The following HAUS6 variants were observed in gnomAD, a reference collection of about 807,000 sequenced individuals.
HAUS6 encodes the protein HAUS augmin like complex subunit 6.
In HAUS6, 80 loss-of-function variants were observed where a neutral mutation model predicts 106.8. That is an observed-to-expected ratio of 0.75 (90% CI 0.63 to 0.90). The LOEUF is 0.90. Among genes scored for constraint, HAUS6 ranks in the 40% least tolerant of loss-of-function variants. The pLI is 0.00. For missense variants in HAUS6, 1,155 were observed against 1,118.1 expected (o/e 1.03, Z -0.47); for synonymous variants, 356 against 379.1 (o/e 0.94, Z 0.71).
chr9:19,088,974 G>A (rs1817689167), intron 5 of HAUS6, among the ~76,000 whole-genome samples: 1 of 152,164 alleles, frequency 6.6e-6, no homozygotes. Context: ...CAGCCACAGT[G>A]GCTCATGTCT....
chr9:19,101,966 A>C (rs969425938), intron 1 of HAUS6, among the ~76,000 whole-genome samples: 1 of 152,164 alleles, frequency 6.6e-6, no homozygotes, highest in Non-Finnish European at 1.5e-5. Flanking sequence ...TTAAATAGAG[A>C]TACTGGCTAA....
chr9:19,059,977 G>C, intron 15 of HAUS6, 111 bp downstream of exon 15: 2 of 767,918 alleles, frequency 2.6e-6, no homozygotes, highest in Admixed American at 2.7e-5. Context: ...GATTACAACA[G>C]CATAAATAAA....
At chr9:19,090,654 C>T (rs1817725710) in intron 4 of HAUS6, among the ~76,000 whole-genome samples, 2 of 152,136 alleles carry the variant, frequency 1.3e-5, no homozygotes, top group South Asian at 4.1e-4. Context: ...TGAGCCACCT[C>T]GCCCAGCCAT....
chr9:19,094,404 C>A lies in HAUS6; in HGVS notation c.225-9G>T, dbSNP rs1379915141. 2.0e-6 allele frequency: 3 copies of A among 1,533,838 alleles called. No homozygotes were observed. Among genetic ancestry groups the A allele is most frequent in the Non-Finnish European group, 2.7e-6 (3 of 1,113,580 alleles). On this transcript the variant is annotated splice_polypyrimidine_tract_variant and intron_variant, in intron 2 of 16. Transcript: ENST00000380502. ...ATGGGGGCCAACAAAATCTGGAAAA[C>A]AAAAATAAAAGCGTAAGGACTATGC...
chr9:19,066,493 T>C (rs1464756911), intron 12 of HAUS6, among the ~76,000 whole-genome samples: 3 of 152,058 alleles, frequency 2.0e-5, no homozygotes, highest in African/African-American at 4.8e-5. Context: ...CTCCTTATCT[T>C]TGAAATGTGG....
rs1468139502 is a variant in HAUS6 at position 19,094,367 on chromosome 9, T to G, written c.253A>C (p.Ser85Arg). ...CAATGTTTTCGGAATTCAGTGTCAC[T>G]TTTTTGGTCAAATGGGGGCCAACAA... ...KFCWPPFDQK[S>R]DTEFRKHCCE... is the part of the protein sequence containing the mutation. Residue 85 changes from serine (S) to arginine (R), a missense_variant, in exon 3 of 17, where the codon AGT (serine) becomes CGT (arginine). Coordinates refer to ENST00000380502, the MANE Select transcript of HAUS6 (RefSeq NM_017645.5). 1.2e-6 allele frequency: 2 copies of G among 1,605,874 alleles called. No individual in the cohort carries two copies. The highest frequency in any genetic ancestry group is 1.3e-5 in the African/African-American group (1 of 74,672).
chr9:19,100,684 G>A (rs550287931), intron 1 of HAUS6, among the ~76,000 whole-genome samples: 2 of 152,290 alleles, frequency 1.3e-5, no homozygotes, highest in South Asian at 2.1e-4. Context: ...AACCTAAGTT[G>A]AATGGATAAA....
intron 1 of HAUS6, 85 bp from the exon 2 acceptor site, chr9:19,096,854 CAAATT>C: frequency 1.7e-6 from 1 of 599,944 alleles, no homozygotes; most frequent in Non-Finnish European, 2.9e-6. Context: ...GACTTTGACA[CAAATT>C]AATGTTTTCA....
intron 2 of HAUS6, 97 bp from the exon 3 acceptor site, chr9:19,094,492 C>G (rs1180626945): frequency 1.4e-6 from 1 of 703,616 alleles, no homozygotes; most frequent in Admixed American, 2.9e-5. Context: ...ATTTCTAATA[C>G]CAGAAATATT....
intron 8 of HAUS6, among the ~76,000 whole-genome samples, chr9:19,081,782 T>C (rs1283897482): frequency 6.6e-6 from 1 of 151,730 alleles, no homozygotes; most frequent in Non-Finnish European, 1.5e-5. Flanking sequence ...ACAAAAATTA[T>C]GGGCCAGGCA....
intron 9 of HAUS6, among the ~76,000 whole-genome samples, chr9:19,080,174 CAAAAAAAAA>C (rs746423003): frequency 1.6e-3 from 61 of 37,570 alleles, no homozygotes; most frequent in African/African-American, 5.0e-3. Flanking sequence ...AACTCCGTCT[CAAAAAAAAA>C]AAAAAAAAAA....
intron 6 of HAUS6, 76 bp from the exon 7 acceptor site, chr9:19,086,858 C>G (rs1837308072): frequency 1.4e-6 from 1 of 696,846 alleles, no homozygotes; most frequent in Admixed American, 2.7e-5. Context: ...GCTAATTAGT[C>G]TGCAAATCAA....
chr9:19,078,148 A>C, intron 10 of HAUS6, 28 bp downstream of exon 10: 11 of 1,341,078 alleles, frequency 8.2e-6, no homozygotes, highest in South Asian at 1.3e-5. Context: ...GGTGGCGGGG[A>C]GGGCAGGGGC....
At chr9:19,083,078 C>A in intron 7 of HAUS6, 35 bp from the exon 8 acceptor site, 1 of 1,364,062 alleles carries the variant, frequency 7.3e-7, no homozygotes, top group Non-Finnish European at 1.0e-6. Context: ...AAAGTCCACA[C>A]ATAATCTGTA....
intron 5 of HAUS6, among the ~76,000 whole-genome samples, chr9:19,088,569 CT>C (rs1233760383): frequency 6.6e-6 from 1 of 151,656 alleles, no homozygotes; most frequent in Non-Finnish European, 1.5e-5. Flanking sequence ...GAAAACTGAA[CT>C]TTTTAAACTA....
intron 9 of HAUS6, among the ~76,000 whole-genome samples, chr9:19,078,575 G>A (rs567443223): frequency 6.6e-6 from 1 of 152,146 alleles, no homozygotes; most frequent in East Asian, 1.9e-4. Flanking sequence ...ATCACCTGAG[G>A]TCAGGAGTTC....
At chr9:19,098,716 T>C (rs1459743736) in intron 1 of HAUS6, among the ~76,000 whole-genome samples, 1 of 110,280 alleles carries the variant, frequency 9.1e-6, no homozygotes, top group Non-Finnish European at 1.9e-5. Context: ...AGTCATACAT[T>C]ATGTTTAACA....
rs1836574249 is a variant in HAUS6 at position 19,060,069 on chromosome 9, G to A, written c.1765+19C>T. The A allele has an allele frequency of 5.0e-6, 8 of 1,589,918 alleles. No homozygotes were observed. The highest frequency in any genetic ancestry group is 6.9e-6 in the Non-Finnish European group (8 of 1,165,642). On this transcript the variant is annotated intron_variant, in intron 15 of 16. Coordinates refer to ENST00000380502, the MANE Select transcript of HAUS6 (RefSeq NM_017645.5). Reference sequence around the variant, plus strand: ...ATGTCGATGAAAGAAAAAAGTAACAGAAAGCATTATTAACTTACTCAAGTT... The same window carrying A: ...ATGTCGATGAAAGAAAAAAGTAACAAAAAGCATTATTAACTTACTCAAGTT...
rs201616081 is a variant in HAUS6 at position 19,096,674 on chromosome 9, T to G, written c.224A>C (p.Lys75Thr). The G allele has an allele frequency of 2.2e-6, 3 of 1,359,588 alleles. No homozygotes were observed. Among genetic ancestry groups the G allele is most frequent in the African/African-American group, 1.5e-5 (1 of 66,604 alleles). The allele number at this position is 1,359,588 out of a possible 1,614,324, so 84.2% of individuals were successfully genotyped here. Residue 75 changes from lysine (K) to threonine (T), a missense_variant and splice_region_variant, in exon 2 of 17, where the codon AAA (lysine) becomes ACA (threonine). Physicochemically the swap from Lys to Thr is moderately conservative, Grantham distance 78. Coordinates refer to ENST00000380502, the MANE Select transcript of HAUS6 (RefSeq NM_017645.5). ...LDQSLTKEVF[K>T]FCWPPFDQKS... ...AGAAAATGAAATTATTTTTCCTTAC[T>G]TGAAAACTTCTTTGGTGAGAGACTG... is the stretch of plus-strand genomic sequence containing the variant.
Sources: allele counts gnomAD v4.1 joint callset (sites outside exome capture counted in the v4.1 genomes callset), GRCh38; gene constraint gnomAD v4.1.1; transcripts MANE v1.5; gene names NCBI Gene and HGNC (gene_info 2026-07-23, HGNC 2026-07-21).